The following WNT7B variants were observed in gnomAD, a reference collection of about 807,000 sequenced individuals.
The protein encoded by WNT7B is Wnt family member 7B.
Under a neutral mutation model 38.2 loss-of-function variants are expected in WNT7B, and 19 were observed. The observed-to-expected ratio is 0.50, with a 90% confidence interval of 0.35 to 0.73. The LOEUF (loss-of-function observed/expected upper bound fraction) is 0.73. Ranked by LOEUF, WNT7B falls within the 30% of genes least tolerant of loss-of-function variation. The pLI is 0.01. For synonymous variants in WNT7B, 243 were observed against 209.3 expected, an observed-to-expected ratio of 1.16 and a Z score of -1.39; for missense variants, 423 against 507.9, an observed-to-expected ratio of 0.83 and a Z score of 1.61.
rs1932290375 is a variant in WNT7B at position 45,965,403 on chromosome 22, C to T, written c.71+11281G>A. ...ACACCTGGCCAGCCCTGATAACCCA[C>T]CCGCGGGGGCTGCCGTCACGCTGTG... On this transcript the variant is annotated intron_variant, in intron 1 of 3. Transcript: ENST00000339464. This position sits in a 1 kb window ranked among gnomAD's most constrained non-coding sequence, Gnocchi z 6.5. Among the ~76,000 whole-genome samples, 1 of 152,212 alleles carries T rather than the reference C, an allele frequency of 6.6e-6. No homozygotes were observed. Among genetic ancestry groups the T allele is most frequent in the Admixed American group, 6.5e-5 (1 of 15,290 alleles).
chr22:45,957,112 A>AAG (rs1555909580), intron 1 of WNT7B, among the ~76,000 whole-genome samples: 5 of 144,498 alleles, frequency 3.5e-5, no homozygotes, highest in African/African-American at 8.1e-5. Context: ...CTCAAAAAAA[A>AAG]AAAAAAAAAA....
rs1932283425 is a variant in WNT7B, at chr22:45,965,099, A to C, written c.71+11585T>G. Among the ~76,000 whole-genome samples, 1 of 136,272 alleles carries C rather than the reference A, an allele frequency of 7.3e-6. No individual in the cohort carries two copies. The highest frequency in any genetic ancestry group is 1.6e-5 in the Non-Finnish European group (1 of 63,112). 89.4% of individuals were successfully genotyped at this position (136,272 alleles called of 152,430 possible). ...CCCCCACCTCACCTTCCCCTGCTCC[A>C]GCCCTACTCAAACCTGCTGCTCCCC... On this transcript the variant is annotated intron_variant, in intron 1 of 3. Coordinates refer to ENST00000339464, the MANE Select transcript of WNT7B (RefSeq NM_058238.3). This position sits in a 1 kb window ranked among gnomAD's most constrained non-coding sequence, Gnocchi z 6.5.
intron 2 of WNT7B, among the ~76,000 whole-genome samples, chr22:45,939,658 C>A (rs1334082865): frequency 6.6e-6 from 1 of 151,776 alleles, no homozygotes; most frequent in Non-Finnish European, 1.5e-5. Flanking sequence ...CTCACACACA[C>A]ACACACACAC....
chr22:45,958,736 C>A (rs1932129171), intron 1 of WNT7B, among the ~76,000 whole-genome samples: 1 of 152,204 alleles, frequency 6.6e-6, no homozygotes, highest in Non-Finnish European at 1.5e-5. Flanking sequence ...GCCCTGTCAT[C>A]AACCCTGCCC....
intron 3 of WNT7B, chr22:45,925,409 CAGGATGGCAG>C: frequency 1.0e-6 from 1 of 985,322 alleles, no homozygotes; most frequent in Non-Finnish European, 1.2e-6. Flanking sequence ...ATGTCCCTCC[CAGGATGGCAG>C]AGGGTGGGAG....
intron 3 of WNT7B, chr22:45,925,994 C>G (rs1488210470): frequency 1.0e-6 from 1 of 985,294 alleles, no homozygotes; most frequent in African/African-American, 1.7e-5. Flanking sequence ...GTCCCTGTCT[C>G]CCGGTCTTCA....
At chr22:45,958,705 A>G (rs9330803) in intron 1 of WNT7B, among the ~76,000 whole-genome samples, 135,957 of 152,232 alleles carry the variant, frequency 0.89, 60,952 homozygotes, top group African/African-American at 0.98. Context: ...ACCCACCCCC[A>G]CTGTCCCGGG....
At chr22:45,941,318 T>G (rs1280394871) in intron 2 of WNT7B, among the ~76,000 whole-genome samples, 1 of 152,162 alleles carries the variant, frequency 6.6e-6, no homozygotes, top group East Asian at 1.9e-4. Flanking sequence ...GAGACCAGCC[T>G]GGCCAACATG....
intron 1 of WNT7B, among the ~76,000 whole-genome samples, chr22:45,963,399 G>T (rs1257544047): frequency 6.6e-6 from 1 of 152,124 alleles, no homozygotes; most frequent in Non-Finnish European, 1.5e-5. Flanking sequence ...AGCCTCCTCT[G>T]CCTCTCATCA....
rs114190593 is a variant in WNT7B, at chr22:45,921,742, T to C, written c.*1114A>G. 6.6e-6 allele frequency: 1 copy of C among 152,210 alleles called. No individual in the cohort carries two copies. The highest frequency in any genetic ancestry group is 2.4e-5 in the African/African-American group (1 of 41,486). The allele number at this position is 152,210 out of a possible 1,614,324, so 9.4% of individuals were successfully genotyped here. On this transcript the variant is annotated 3_prime_UTR_variant, in exon 4 of 4. Coordinates refer to ENST00000339464, the MANE Select transcript of WNT7B (RefSeq NM_058238.3). Reference sequence around the variant, plus strand: ...CTCCTGGAACCTGACGTGGGTGATATTTTGATTTGCTTGATATTATTTTCT... The same window carrying C: ...CTCCTGGAACCTGACGTGGGTGATACTTTGATTTGCTTGATATTATTTTCT...
chr22:45,948,205 C>T (rs1931842829), intron 2 of WNT7B, among the ~76,000 whole-genome samples: 2 of 152,250 alleles, frequency 1.3e-5, no homozygotes, highest in African/African-American at 4.8e-5. Context: ...GCCAGCTCAG[C>T]GCTGAGGGGC....
chr22:45,927,900 CAA>C (rs773105737), intron 3 of WNT7B, among the ~76,000 whole-genome samples: 1 of 152,130 alleles, frequency 6.6e-6, no homozygotes, highest in Non-Finnish European at 1.5e-5. Flanking sequence ...CATCTCAAAA[CAA>C]AGAGATGGAA....
chr22:45,926,061 G>T (rs766644459), intron 3 of WNT7B: 2 of 985,404 alleles, frequency 2.0e-6, no homozygotes, highest in Non-Finnish European at 2.4e-6. Context: ...ATCGGCTCCC[G>T]CAGGGCCAGG....
chr22:45,948,396 G>A (rs935401330), intron 2 of WNT7B, among the ~76,000 whole-genome samples: 14 of 152,278 alleles, frequency 9.2e-5, no homozygotes, highest in African/African-American at 2.9e-4. Context: ...CCACCCACAG[G>A]CTGCTCACCA....
intron 2 of WNT7B, 101 bp from the exon 3 acceptor site, chr22:45,931,470 TTG>T (rs1308546310): frequency 7.3e-7 from 1 of 1,366,764 alleles, no homozygotes; most frequent in African/African-American, 1.5e-5. Flanking sequence ...TGTTGGCTGG[TTG>T]TGTGACCCTG....
intron 3 of WNT7B, among the ~76,000 whole-genome samples, chr22:45,928,612 C>A (rs56398559): frequency 3.6e-5 from 5 of 139,510 alleles, no homozygotes; most frequent in South Asian, 4.5e-4. Context: ...CATCACCAGC[C>A]GCCTTGTTTT....
At chr22:45,929,713 CGTG>C (rs1569111308) in intron 3 of WNT7B, among the ~76,000 whole-genome samples, 1 of 149,624 alleles carries the variant, frequency 6.7e-6, no homozygotes, top group Non-Finnish European at 1.5e-5. Context: ...TCCATCCACC[CGTG>C]AATCCACTCA....
At position 45,931,376 on chromosome 22, in the gene WNT7B, GGACA is replaced by G; in HGVS notation, c.299-11_299-8del. On this transcript the variant is annotated splice_polypyrimidine_tract_variant and splice_region_variant and intron_variant, in intron 2 of 3. Coordinates refer to ENST00000339464, the MANE Select transcript of WNT7B (RefSeq NM_058238.3). The stretch of plus-strand genomic sequence containing the variant: ...AAGGCAGCCTCACGGCTCCCTGCGG[GGACA>G]GACAGGTGCAGAAGGTGAGACCCCA... 6.3e-7 allele frequency: 1 copy of G among 1,580,116 alleles called. No homozygotes were observed. Among genetic ancestry groups the G allele is most frequent in the Non-Finnish European group, 8.6e-7 (1 of 1,168,168 alleles).
chr22:45,927,249 C>T, intron 3 of WNT7B: 3 of 985,448 alleles, frequency 3.0e-6, no homozygotes, highest in African/African-American at 1.7e-5. Flanking sequence ...AGGGGCTGCT[C>T]TGACAGTTTT....
Sources: allele counts gnomAD v4.1 joint callset (sites outside exome capture counted in the v4.1 genomes callset), GRCh38; gene constraint gnomAD v4.1.1; non-coding constraint Gnocchi (gnomAD v3.1); transcripts MANE v1.5; gene names NCBI Gene and HGNC (gene_info 2026-07-23, HGNC 2026-07-21).